NME9: variants seen among roughly 807,000 people sequenced by gnomAD.
NME9 encodes the protein thioredoxin domain-containing protein 6.
A neutral mutation model predicts 44.4 loss-of-function variants in NME9; 48 were observed. That is an observed-to-expected ratio of 1.08 (90% CI 0.86 to 1.37). NME9 has a LOEUF of 1.37. Among genes scored for constraint, NME9 ranks in the 40% most tolerant of loss-of-function variants. NME9 has a pLI of 0.00. For missense variants in NME9, 325 were observed against 405.2 expected (o/e 0.80, Z 1.70); for synonymous variants, 139 against 147.1 (o/e 0.94, Z 0.40).
chr3:138,321,887 C>G (rs1364660353), intron 2 of NME9, among the ~76,000 whole-genome samples: 1 of 151,538 alleles, frequency 6.6e-6, no homozygotes, highest in Non-Finnish European at 1.5e-5. Context: ...AGAACAAACT[C>G]AACTCTAAAC....
chr3:138,292,334 C>T (rs1378139151), intron 8 of NME9, among the ~76,000 whole-genome samples: 4 of 152,224 alleles, frequency 2.6e-5, no homozygotes, highest in South Asian at 2.1e-4. Context: ...GCCACCACGC[C>T]GGGCCCTGAT....
chr3:138,268,051 T>C (rs992307397), intron 8 of NME9, among the ~76,000 whole-genome samples: 3 of 152,090 alleles, frequency 2.0e-5, no homozygotes, highest in Non-Finnish European at 4.4e-5. Context: ...GAGACCAGCC[T>C]GGCCAACATG....
At chr3:138,292,229 AG>A (rs1036084259) in intron 8 of NME9, among the ~76,000 whole-genome samples, 1 of 151,978 alleles carries the variant, frequency 6.6e-6, no homozygotes, top group African/African-American at 2.4e-5. Context: ...TAGTAGAGAC[AG>A]GGTTTTACCA....
chr3:138,324,693 TACACACACACACACACAC>T (rs55961241), intron 2 of NME9, 162 bp downstream of exon 2: 163 of 534,608 alleles, frequency 3.0e-4, no homozygotes, highest in Middle Eastern at 9.6e-4. Flanking sequence ...TCAAGCCAGA[TACACACACACACACACAC>T]ACACACACAC....
chr3:138,293,579 C>T (rs1236201486), intron 8 of NME9, among the ~76,000 whole-genome samples: 2 of 151,930 alleles, frequency 1.3e-5, no homozygotes, highest in East Asian at 3.9e-4. Flanking sequence ...AAAACTGCAG[C>T]CCAAGGCTGC....
intron 8 of NME9, among the ~76,000 whole-genome samples, chr3:138,277,109 C>G (rs1452693971): frequency 6.6e-6 from 1 of 152,000 alleles, no homozygotes; most frequent in Non-Finnish European, 1.5e-5. Context: ...ACTAGAGAGT[C>G]CAGAAATAGA....
chr3:138,304,793 A>T, intron 9 of NME9, 80 bp downstream of exon 9: 1 of 1,395,418 alleles, frequency 7.2e-7, no homozygotes, highest in Non-Finnish European at 1.0e-6. Context: ...CCATGATTCT[A>T]GGCTGAACAC....
rs770503645 is a variant in NME9, at chr3:138,314,295, T to C, written c.460+37A>G. On this transcript the variant is annotated intron_variant, in intron 6 of 10. Transcript: ENST00000333911. ...AAACATATATAAAATCTGAGTCTGC[T>C]TTGCTTTTTTCCCTTGCTCATTGGT... 6 of 1,284,710 alleles carry C rather than the reference T, an allele frequency of 4.7e-6. No homozygotes were observed. In the East Asian group the frequency reaches 1.4e-4, roughly 30 times the overall value. 79.6% of individuals were successfully genotyped at this position (1,284,710 alleles called of 1,614,324 possible).
chr3:138,276,351 T>G (rs2049291322), intron 8 of NME9, among the ~76,000 whole-genome samples: 2 of 152,220 alleles, frequency 1.3e-5, no homozygotes, highest in African/African-American at 2.4e-5. Context: ...CCTATGAAAC[T>G]GTCACCACAG....
At chr3:138,263,767 G>A (rs376865558) in intron 8 of NME9, 8 of 1,613,810 alleles carry the variant, frequency 5.0e-6, no homozygotes, top group Admixed American at 3.3e-5. Context: ...ATGATGGACC[G>A]AATTGTGACT....
At chr3:138,315,849 C>T (rs1021141391) in intron 4 of NME9, among the ~76,000 whole-genome samples, 1 of 151,476 alleles carries the variant, frequency 6.6e-6, no homozygotes, top group Non-Finnish European at 1.5e-5. Context: ...TTTGTTTGTT[C>T]GAGACGGAGT....
chr3:138,291,129 A>G (rs10513051), intron 8 of NME9, among the ~76,000 whole-genome samples: 2,079 of 152,336 alleles, frequency 0.014, 50 homozygotes, highest in African/African-American at 0.048. Context: ...GCTAACCTCA[A>G]AATAGCCATA....
At chr3:138,264,305 C>G in intron 8 of NME9, 3 of 923,084 alleles carry the variant, frequency 3.2e-6, no homozygotes, top group Middle Eastern at 2.4e-4. Context: ...AGGAGTATGT[C>G]TGATTTTTGT....
At position 138,303,659 on chromosome 3, in the gene NME9, A is replaced by T. The variant is rs1219885190; in HGVS notation, c.792-16T>A. The T allele has an allele frequency of 1.3e-6, 2 of 1,588,306 alleles. No individual in the cohort carries two copies. The highest frequency in any genetic ancestry group is 1.7e-4 in the Middle Eastern group (1 of 5,982). ...AGCTCGGAGACTGGGAACATTGGCA[A>T]AATGTAAAAGAAACAATTGTTTCAT... On this transcript the variant is annotated splice_polypyrimidine_tract_variant and intron_variant, in intron 9 of 10. Coordinates refer to ENST00000333911, the MANE Select transcript of NME9 (RefSeq NM_001349018.2).
chr3:138,305,967 G>T, intron 8 of NME9, 37 bp downstream of exon 8: 1 of 1,308,830 alleles, frequency 7.6e-7, no homozygotes, highest in Non-Finnish European at 1.1e-6. Context: ...GAAGAGAAAC[G>T]ACAGTGTGTT....
chr3:138,312,772 A>G (rs1225236181), intron 6 of NME9, among the ~76,000 whole-genome samples: 1 of 152,232 alleles, frequency 6.6e-6, no homozygotes, highest in Non-Finnish European at 1.5e-5. Context: ...CATCAAGCAA[A>G]GAAGCTTCTG....
chr3:138,305,052 G>A, intron 8 of NME9, 25 bp from the exon 9 acceptor site: 1 of 1,610,882 alleles, frequency 6.2e-7, no homozygotes, highest in Non-Finnish European at 8.5e-7. Flanking sequence ...GGAAAACAGT[G>A]ACCAGGGCAG....
chr3:138,273,260 T>C, intron 8 of NME9: 1 of 876,108 alleles, frequency 1.1e-6, no homozygotes. Flanking sequence ...GGAGTTGATG[T>C]CTAAACCTGT....
chr3:138,273,629 G>A (rs916437827), intron 8 of NME9, among the ~76,000 whole-genome samples: 2 of 152,262 alleles, frequency 1.3e-5, no homozygotes, highest in Middle Eastern at 3.4e-3. Context: ...ACCTCTCAAT[G>A]TTCTCTAATG....
Sources: gnomAD v4.1 joint callset for allele counts (sites outside exome capture counted in the v4.1 genomes callset) on GRCh38, gnomAD v4.1.1 for gene constraint, MANE v1.5 for transcripts, NCBI Gene and HGNC (gene_info 2026-07-23, HGNC 2026-07-21) for gene names.